SLC4A4: variants seen among roughly 807,000 people sequenced by gnomAD.
SLC4A4 encodes the protein electrogenic sodium bicarbonate cotransporter 1.
Under a neutral mutation model 111.5 loss-of-function variants are expected in SLC4A4, and 27 were observed. The ratio of observed to expected loss-of-function variants is 0.24; its 90% CI spans 0.18 to 0.33. The LOEUF is 0.33. Ranked by LOEUF, SLC4A4 falls within the 10% of genes least tolerant of loss-of-function variation. The probability of loss-of-function intolerance (pLI) is 1.00; values close to 1 mark genes in which losing one functional copy is unlikely to be tolerated. For missense variants in SLC4A4, 909 were observed against 1,315.5 expected, an observed-to-expected ratio of 0.69 and a Z score of 4.78; for synonymous variants, 443 against 463.4, an observed-to-expected ratio of 0.96 and a Z score of 0.57.
rs1198759861 is a variant in SLC4A4, at chr4:71,443,116, C to CTCTATATA, written c.965+2344_965+2345insCTATATAT. Among the ~76,000 whole-genome samples, 106 of 65,648 alleles carry CTCTATATA rather than the reference C, an allele frequency of 1.6e-3. 3 individuals are homozygous for CTCTATATA. Among genetic ancestry groups the CTCTATATA allele is most frequent in the Non-Finnish European group, 1.8e-3 (69 of 38,926 alleles). 43.1% of individuals were successfully genotyped at this position (65,648 alleles called of 152,430 possible). A position where few individuals can be genotyped will look rare whatever the true frequency, so the allele number is the denominator to read the frequency against. On this transcript the variant is annotated intron_variant, in intron 8 of 25. Transcript: ENST00000264485. Reference sequence around the variant, plus strand: ...TCTCTCTCTCTCTCTCTCTCTCTCTCTATATATATATATATATATATATAT... The same window carrying CTCTATATA: ...TCTCTCTCTCTCTCTCTCTCTCTCTCTCTATATATATATATATATATATATATATATAT...
intron 14 of SLC4A4, among the ~76,000 whole-genome samples, chr4:71,477,834 T>G (rs965329412): frequency 6.6e-6 from 1 of 151,648 alleles, no homozygotes; most frequent in African/African-American, 2.4e-5. Flanking sequence ...CACTGCTTTT[T>G]AAGAATTGTG....
At chr4:71,181,010 A>G (rs1272315103) in intron 2 of SLC4A4, among the ~76,000 whole-genome samples, 2 of 152,134 alleles carry the variant, frequency 1.3e-5, no homozygotes, top group Non-Finnish European at 2.9e-5. Context: ...TGTGGCATAT[A>G]TATACCATGG....
chr4:71,102,528 A>G (rs1437449909), intron 2 of SLC4A4, among the ~76,000 whole-genome samples: 3 of 152,326 alleles, frequency 2.0e-5, no homozygotes, highest in African/African-American at 7.2e-5. Flanking sequence ...GAGAAAGGTC[A>G]GGTTACTCAC....
chr4:71,247,770 T>C (rs1720785686), intron 2 of SLC4A4, among the ~76,000 whole-genome samples: 1 of 152,148 alleles, frequency 6.6e-6, no homozygotes, highest in South Asian at 2.1e-4. Context: ...TACAATGCAG[T>C]AGCCCGTGTG....
intron 7 of SLC4A4, among the ~76,000 whole-genome samples, chr4:71,430,813 A>G (rs866054803): frequency 6.6e-6 from 1 of 152,140 alleles, no homozygotes; most frequent in African/African-American, 2.4e-5. Context: ...GAAAGGGAAC[A>G]TGTTGATTTC....
intron 3 of SLC4A4, among the ~76,000 whole-genome samples, chr4:71,258,128 C>CAACTTTCT (rs1218348033): frequency 2.0e-5 from 3 of 152,202 alleles, no homozygotes; most frequent in African/African-American, 7.2e-5. Context: ...CATCATGGCC[C>CAACTTTCT]AGTGTCTTTC....
chr4:71,239,244 A>G (rs551700612), intron 2 of SLC4A4, among the ~76,000 whole-genome samples: 1 of 152,346 alleles, frequency 6.6e-6, no homozygotes, highest in South Asian at 2.1e-4. Context: ...GTTTGTAAAC[A>G]TTCTTGGCAA....
chr4:71,178,432 A>G (rs1359890403), intron 2 of SLC4A4, among the ~76,000 whole-genome samples: 1 of 152,102 alleles, frequency 6.6e-6, no homozygotes, highest in Non-Finnish European at 1.5e-5. Context: ...TTTTTTGAAA[A>G]GATCAACAAA....
At chr4:71,111,535 T>TTTTGTTTTTCGG in intron 2 of SLC4A4, among the ~76,000 whole-genome samples, 1 of 134,834 alleles carries the variant, frequency 7.4e-6, no homozygotes, top group African/African-American at 2.9e-5. Flanking sequence ...TTTTTTTTTT[T>TTTTGTTTTTCGG]TTTTTTTTTT....
intron 2 of SLC4A4, among the ~76,000 whole-genome samples, chr4:71,103,151 A>G (rs1413495212): frequency 3.3e-5 from 5 of 151,758 alleles, no homozygotes; most frequent in South Asian, 2.1e-4. Context: ...CTTTAAACCA[A>G]CAAAGATCAA....
intron 13 of SLC4A4, among the ~76,000 whole-genome samples, chr4:71,470,311 A>T (rs1727750203): frequency 6.6e-6 from 1 of 152,068 alleles, no homozygotes; most frequent in Admixed American, 6.6e-5. Context: ...CATAAAGTCT[A>T]TTGAAGATAA....
chr4:71,317,104 GTGTA>G (rs1477052571), intron 3 of SLC4A4, among the ~76,000 whole-genome samples: 1 of 134,850 alleles, frequency 7.4e-6, no homozygotes, highest in Admixed American at 7.5e-5. Context: ...GTGTGTGTGT[GTGTA>G]CTGTCAGATG....
chr4:71,132,506 T>TA (rs1257748857), intron 2 of SLC4A4, among the ~76,000 whole-genome samples: 1 of 152,216 alleles, frequency 6.6e-6, no homozygotes, highest in Non-Finnish European at 1.5e-5. Flanking sequence ...TCCTGGACAA[T>TA]ACTTAATGCT....
intron 16 of SLC4A4, among the ~76,000 whole-genome samples, chr4:71,526,055 CT>C (rs1578114897): frequency 6.6e-6 from 1 of 152,044 alleles, no homozygotes; most frequent in East Asian, 1.9e-4. Flanking sequence ...TTTTAGGGCA[CT>C]TTCTACTTCT....
intron 2 of SLC4A4, among the ~76,000 whole-genome samples, chr4:71,114,194 C>G (rs183189688): frequency 1.5e-4 from 23 of 152,214 alleles, no homozygotes; most frequent in African/African-American, 5.5e-4. Context: ...TGCAGTGAGT[C>G]GAGATGGCGC....
chr4:71,566,430 A>C (rs1360599729), intron 24 of SLC4A4, among the ~76,000 whole-genome samples: 1 of 151,838 alleles, frequency 6.6e-6, no homozygotes, highest in Admixed American at 6.6e-5. Flanking sequence ...TCATGGAAAA[A>C]GTTTATGTGC....
intron 7 of SLC4A4, among the ~76,000 whole-genome samples, chr4:71,418,638 G>A (rs1722036000): frequency 6.6e-6 from 1 of 152,142 alleles, no homozygotes; most frequent in Admixed American, 6.5e-5. Context: ...AGCCTGAAGG[G>A]CAATCAGCAT....
intron 1 of SLC4A4, among the ~76,000 whole-genome samples, chr4:71,202,831 G>A (rs1694708401): frequency 6.6e-6 from 1 of 152,132 alleles, no homozygotes; most frequent in African/African-American, 2.4e-5. Context: ...TCATCAAGCT[G>A]TCAACAAGAA....
intron 5 of SLC4A4, among the ~76,000 whole-genome samples, chr4:71,355,825 G>T (rs1449586026): frequency 1.3e-5 from 2 of 152,200 alleles, no homozygotes; most frequent in African/African-American, 4.8e-5. Context: ...TATCCTACCA[G>T]TACCCATCAA....
Sources: allele counts gnomAD v4.1 joint callset (sites outside exome capture counted in the v4.1 genomes callset), GRCh38; gene constraint gnomAD v4.1.1; transcripts MANE v1.5; gene names NCBI Gene and HGNC (gene_info 2026-07-23, HGNC 2026-07-21).